The following RIN2 variants were observed in gnomAD, a reference collection of about 807,000 sequenced individuals.
The protein encoded by RIN2 is RAB5 interacting protein 2.
Under a neutral mutation model 78.0 loss-of-function variants are expected in RIN2, and 36 were observed. That is an observed-to-expected ratio of 0.46 (90% CI 0.35 to 0.61). The LOEUF is 0.61. Among genes scored for constraint, RIN2 ranks in the 20% least tolerant of loss-of-function variants. The pLI is 0.00. For missense variants in RIN2, 1,087 were observed against 1,159.7 expected (o/e 0.94, Z 0.91); for synonymous variants, 466 against 466.8 (o/e 1.00, Z 0.02).
Position 19,935,059 on chromosome 20 carries a change from C to T in RIN2, c.58-40C>T, listed in dbSNP as rs541302837. 6 of 1,509,904 alleles carry T rather than the reference C, an allele frequency of 4.0e-6. No homozygotes were observed. In the African/African-American group the frequency reaches 6.9e-5, roughly 17 times the overall value. The allele number at this position is 1,509,904 out of a possible 1,614,324, so 93.5% of individuals were successfully genotyped here. A position where few individuals can be genotyped will look rare whatever the true frequency, so the allele number is the denominator to read the frequency against. On this transcript the variant is annotated intron_variant, in intron 3 of 12. Coordinates refer to ENST00000255006, the MANE Select transcript of RIN2 (RefSeq NM_018993.4). ...CGGGCGCTGTGGGCATGCCACGCCT[C>T]TCCACTTCCTGACGTCATACTATTT...
chr20:19,766,640 G>T (rs2033896853), intron 1 of RIN2, among the ~76,000 whole-genome samples: 1 of 152,140 alleles, frequency 6.6e-6, no homozygotes, highest in African/African-American at 2.4e-5. Context: ...TGAGAAATAA[G>T]CTGGGTGTGA....
chr20:19,950,569 ACTTT>A (rs1215703390), intron 4 of RIN2, among the ~76,000 whole-genome samples: 5 of 151,614 alleles, frequency 3.3e-5, no homozygotes, highest in East Asian at 1.9e-4. Context: ...ATCATTTGAC[ACTTT>A]CTTTCTTTCT....
At position 19,959,951 on chromosome 20, in the gene RIN2, T is replaced by C. The variant is rs377023462; in HGVS notation, c.352-749T>C. Among the ~76,000 whole-genome samples, 125 of 152,266 alleles carry C rather than the reference T, an allele frequency of 8.2e-4. 1 individual carries two copies. The South Asian group carries it at 0.019, about 23-fold the overall frequency. ...GGTGTCCTGAGATCAGCACTAGGAA[T>C]TGAACTGTTTTAAAGCATGTGTCTA... On this transcript the variant is annotated intron_variant, in intron 5 of 12. Coordinates refer to ENST00000255006, the MANE Select transcript of RIN2 (RefSeq NM_018993.4).
At chr20:19,779,458 C>A (rs984072311) in intron 1 of RIN2, among the ~76,000 whole-genome samples, 1 of 152,152 alleles carries the variant, frequency 6.6e-6, no homozygotes, top group Admixed American at 6.5e-5. Context: ...CCTCAGGGCA[C>A]GGGTCACTAG....
intron 9 of RIN2, among the ~76,000 whole-genome samples, chr20:19,976,335 G>A (rs2042278435): frequency 6.6e-6 from 1 of 152,126 alleles, no homozygotes; most frequent in Admixed American, 6.6e-5. Flanking sequence ...AGGGACCCCG[G>A]GCCCCCTGTT....
intron 2 of RIN2, among the ~76,000 whole-genome samples, chr20:19,801,540 C>T (rs1015700262): frequency 2.0e-5 from 3 of 152,194 alleles, no homozygotes; most frequent in African/African-American, 7.2e-5. Flanking sequence ...CCAGCATGGT[C>T]TCAATCTCCT....
intron 3 of RIN2, among the ~76,000 whole-genome samples, chr20:19,896,387 T>A (rs1306075560): frequency 1.3e-5 from 2 of 152,076 alleles, no homozygotes; most frequent in Admixed American, 6.5e-5. Context: ...GCGGGGTTTC[T>A]CCACGTTGGC....
chr20:19,825,017 G>A (rs77303493), intron 2 of RIN2, among the ~76,000 whole-genome samples: 3,694 of 152,298 alleles, frequency 0.024, 61 homozygotes, highest in Non-Finnish European at 0.039. Context: ...TGGCACCAAA[G>A]CATAACAGTC....
intron 1 of RIN2, among the ~76,000 whole-genome samples, chr20:19,780,667 G>A (rs1240033007): frequency 1.3e-5 from 2 of 152,226 alleles, no homozygotes; most frequent in African/African-American, 4.8e-5. Context: ...AAAAACACAT[G>A]TTCTGGAGCT....
At chr20:19,815,708 T>C (rs187177376) in intron 2 of RIN2, among the ~76,000 whole-genome samples, 1 of 152,308 alleles carries the variant, frequency 6.6e-6, no homozygotes, top group Admixed American at 6.5e-5. Context: ...TCCTGAGCAC[T>C]GTGATTCATT....
intron 2 of RIN2, among the ~76,000 whole-genome samples, chr20:19,844,107 G>A (rs2036661769): frequency 1.3e-5 from 2 of 152,110 alleles, no homozygotes; most frequent in African/African-American, 2.4e-5. Flanking sequence ...CCAAAATAAG[G>A]GAGAGTAGCT....
At chr20:19,833,359 T>C (rs2036308873) in intron 2 of RIN2, among the ~76,000 whole-genome samples, 1 of 152,004 alleles carries the variant, frequency 6.6e-6, no homozygotes, top group Non-Finnish European at 1.5e-5. Context: ...GGTATACGTG[T>C]GCCATGGTGG....
chr20:19,792,564 T>C (rs916375391), intron 1 of RIN2, among the ~76,000 whole-genome samples: 1 of 152,076 alleles, frequency 6.6e-6, no homozygotes, highest in Non-Finnish European at 1.5e-5. Flanking sequence ...TGCCTGCCAT[T>C]GAGGACTTAG....
At chr20:19,830,365 T>C (rs1419328214) in intron 2 of RIN2, among the ~76,000 whole-genome samples, 1 of 152,184 alleles carries the variant, frequency 6.6e-6, no homozygotes, top group Non-Finnish European at 1.5e-5. Flanking sequence ...TAGAATCCTT[T>C]CTTGGCCTCT....
intron 1 of RIN2, among the ~76,000 whole-genome samples, chr20:19,788,599 C>T (rs2034784271): frequency 8.1e-6 from 1 of 124,158 alleles, no homozygotes; most frequent in African/African-American, 4.1e-5. Flanking sequence ...AAGACTTTGT[C>T]TCGAAAAAAA....
At chr20:19,952,540 TA>T (rs891527374) in intron 4 of RIN2, among the ~76,000 whole-genome samples, 75 of 152,352 alleles carry the variant, frequency 4.9e-4, no homozygotes, top group African/African-American at 1.8e-3. Flanking sequence ...TGCTGTTTTA[TA>T]AGGCCCCATG....
intron 12 of RIN2, among the ~76,000 whole-genome samples, chr20:19,998,521 G>A (rs898205541): frequency 6.6e-6 from 1 of 152,118 alleles, no homozygotes; most frequent in Non-Finnish European, 1.5e-5. Context: ...TAAAGTGGGA[G>A]GATCCGTTGA....
At chr20:19,912,076 G>C (rs748731129) in intron 3 of RIN2, among the ~76,000 whole-genome samples, 3 of 152,126 alleles carry the variant, frequency 2.0e-5, no homozygotes, top group Non-Finnish European at 4.4e-5. Context: ...GTAGCCATTT[G>C]ATGTGTTTTC....
chr20:19,992,734 AT>A (rs1028098804), intron 11 of RIN2, among the ~76,000 whole-genome samples: 1 of 152,082 alleles, frequency 6.6e-6, no homozygotes, highest in African/African-American at 2.4e-5. Flanking sequence ...AATAAATGCC[AT>A]TTTTTTTGGA....
Sources: allele counts gnomAD v4.1 joint callset (sites outside exome capture counted in the v4.1 genomes callset), GRCh38; gene constraint gnomAD v4.1.1; transcripts MANE v1.5; gene names NCBI Gene and HGNC (gene_info 2026-07-23, HGNC 2026-07-21).